Variants in ZFYVE27 observed in about 807,000 individuals in gnomAD.
ZFYVE27 encodes the protein protrudin.
ZFYVE27 carries 36 observed loss-of-function variants against 52.8 expected under a neutral mutation model. The observed-to-expected ratio is 0.68, with a 90% confidence interval of 0.52 to 0.90. The LOEUF is 0.90. Among genes scored for constraint, ZFYVE27 ranks in the 40% least tolerant of loss-of-function variants. ZFYVE27 has a pLI of 0.00. For synonymous variants in ZFYVE27, 223 were observed against 215.6 expected (o/e 1.03, Z -0.30); for missense variants, 450 against 527.2 (o/e 0.85, Z 1.43).
chr10:97,741,398 G>A (rs1219635320), intron 2 of ZFYVE27, among the ~76,000 whole-genome samples: 4 of 152,096 alleles, frequency 2.6e-5, no homozygotes, highest in Admixed American at 2.0e-4. Flanking sequence ...TAAAGAAAAC[G>A]TGGCACATAT....
At chr10:97,744,665 T>C (rs1170125240) in intron 3 of ZFYVE27, 64 bp from the exon 4 acceptor site, 8 of 1,593,498 alleles carry the variant, frequency 5.0e-6, no homozygotes, top group Non-Finnish European at 6.0e-6. Flanking sequence ...GCAGTGGGCG[T>C]CTGGGTGGGC....
chr10:97,742,670 TC>T (rs1296792756), intron 2 of ZFYVE27, among the ~76,000 whole-genome samples: 7 of 152,322 alleles, frequency 4.6e-5, no homozygotes, highest in African/African-American at 1.7e-4. Flanking sequence ...ATTTGTTTTT[TC>T]TTGATTTCTG....
Position 97,743,115 on chromosome 10 carries a change from C to A in ZFYVE27, c.219C>A (p.Ser73=). 1 of 1,614,240 alleles carries A rather than the reference C, an allele frequency of 6.2e-7. No homozygotes were observed. Among genetic ancestry groups the A allele is most frequent in the Non-Finnish European group, 8.5e-7 (1 of 1,180,048 alleles). The change falls in exon 3 of 13, where the codon TCC becomes TCA. Residue 73 remains serine, a synonymous_variant. Coordinates refer to ENST00000684270, the MANE Select transcript of ZFYVE27 (RefSeq NM_001385875.1). ...YLLRWQMPLC[S]LLTCLGLNVL... is the part of the protein sequence containing the mutation. ...GTAGGTGGCAGATGCCTTTGTGTTC[C>A]TTGCTGACCTGCCTGGGCCTCAACG... is the stretch of plus-strand genomic sequence containing the variant.
chr10:97,755,992 G>A (rs115998694), intron 10 of ZFYVE27, among the ~76,000 whole-genome samples: 198 of 152,276 alleles, frequency 1.3e-3, no homozygotes, highest in African/African-American at 4.5e-3. Flanking sequence ...CCCTGGCTCC[G>A]GTCTGTGAGT....
intron 4 of ZFYVE27, among the ~76,000 whole-genome samples, chr10:97,746,443 G>T (rs185364468): frequency 9.9e-5 from 15 of 152,276 alleles, no homozygotes; most frequent in Non-Finnish European, 2.9e-5. Context: ...TGTTGGCTTC[G>T]TCTATCTCTC....
At chr10:97,757,539 C>T in intron 11 of ZFYVE27, 103 bp from the exon 12 acceptor site, 1 of 1,398,590 alleles carries the variant, frequency 7.2e-7, no homozygotes, top group Admixed American at 1.7e-5. Flanking sequence ...CCCCCCAGGC[C>T]CAGTTTCCTT....
rs11189348 is a variant in ZFYVE27 at position 97,740,888 on chromosome 10, G to T, written c.198-2206G>T. 5.1e-3 allele frequency among the ~76,000 whole-genome samples: 779 copies of T among 152,292 alleles called. 20 individuals are homozygous for T. Among genetic ancestry groups the T allele is most frequent in the Admixed American group, 0.034 (514 of 15,304 alleles). On this transcript the variant is annotated intron_variant, in intron 2 of 12. Coordinates refer to ENST00000684270, the MANE Select transcript of ZFYVE27 (RefSeq NM_001385875.1). ...CTCTCCTGGGATCAGCTACTCTACT[G>T]CTTGGGTCTCCTGGGACCAAAGTGT...
intron 6 of ZFYVE27, chr10:97,749,984 C>T (rs1564822847): frequency 4.8e-6 from 2 of 416,210 alleles, no homozygotes; most frequent in South Asian, 2.2e-5. Context: ...GCTTCTAAAG[C>T]GCTGAGGCAG....
chr10:97,739,885 GTT>G (rs34955180), intron 2 of ZFYVE27, among the ~76,000 whole-genome samples: 1 of 137,262 alleles, frequency 7.3e-6, no homozygotes, highest in Non-Finnish European at 1.6e-5. Flanking sequence ...TTAGAAAAGT[GTT>G]TTTTTTTTTT....
intron 2 of ZFYVE27, among the ~76,000 whole-genome samples, chr10:97,739,155 C>T (rs1442467011): frequency 6.7e-6 from 1 of 149,970 alleles, no homozygotes; most frequent in African/African-American, 2.5e-5. Flanking sequence ...GGAATGCAGT[C>T]GTGTGAACAT....
rs1465834621 is a variant in ZFYVE27, at chr10:97,750,440, G to A, written c.774G>A (p.Met258Ile). 6.2e-7 allele frequency: 1 copy of A among 1,614,162 alleles called. No individual in the cohort carries two copies. The highest frequency in any genetic ancestry group is 1.1e-5 in the South Asian group (1 of 91,090). ...ATGTTGGGGGGAAGGATGGTCTGAT[G>A]GACAGCACGCCTGCCCTCACACCCA... is the stretch of plus-strand genomic sequence containing the variant. Reference protein sequence around the residue: ...PPDVGGKDGLMDSTPALTPTE... With the variant: ...PPDVGGKDGLIDSTPALTPTE... Residue 258 changes from methionine (M) to isoleucine (I), a missense_variant, in exon 7 of 13, where the codon ATG (methionine) becomes ATA (isoleucine). Met to Ile is a conservative substitution (Grantham distance 10, BLOSUM62 1). Coordinates refer to ENST00000684270, the MANE Select transcript of ZFYVE27 (RefSeq NM_001385875.1).
chr10:97,752,829 C>G (rs1460902526), intron 8 of ZFYVE27, 28 bp from the exon 9 acceptor site: 1 of 1,613,506 alleles, frequency 6.2e-7, no homozygotes, highest in East Asian at 2.2e-5. Context: ...TCTGTTTTCT[C>G]TCCTCTTCCC....
In ZFYVE27 at chr10:97,751,429, T is replaced by A; in HGVS notation, c.843T>A (p.Ala281=). 6.2e-7 allele frequency: 1 copy of A among 1,613,994 alleles called. No homozygotes were observed. Among genetic ancestry groups the A allele is most frequent in the Non-Finnish European group, 8.5e-7 (1 of 1,179,896 alleles). ...GCAGCGTGGAGGAGGCTGAGGAGGCTGAGCCAGATGAAGAGTTTAAAGATG... is the reference window on the plus strand; with the variant it reads ...GCAGCGTGGAGGAGGCTGAGGAGGCAGAGCCAGATGAAGAGTTTAAAGATG... The part of the protein sequence containing the change: ...TPGSVEEAEE[A]EPDEEFKDAI... Residue 281 remains alanine (A), a synonymous_variant, in exon 8 of 13, where the codon GCT becomes GCA. Transcript: ENST00000684270.
chr10:97,746,051 A>ACACATATATATATATATATATATATTT, intron 4 of ZFYVE27, among the ~76,000 whole-genome samples: 1 of 64,170 alleles, frequency 1.6e-5, no homozygotes, highest in Non-Finnish European at 3.7e-5. Context: ...ATATATATAT[A>ACACATATATATATATATATATATATTT]TTTTTTTTTT....
intron 10 of ZFYVE27, among the ~76,000 whole-genome samples, chr10:97,754,160 A>T (rs975794566): frequency 1.3e-5 from 2 of 152,064 alleles, no homozygotes; most frequent in African/African-American, 4.8e-5. Context: ...GGAAGAAGAC[A>T]ATGGAGTTTA....
At chr10:97,738,090 T>C (rs1031547434) in intron 1 of ZFYVE27, among the ~76,000 whole-genome samples, 1 of 152,166 alleles carries the variant, frequency 6.6e-6, no homozygotes, top group East Asian at 1.9e-4. Context: ...TTTGGGAGCA[T>C]CGGAGAGGGT....
chr10:97,754,930 C>T lies in ZFYVE27; in HGVS notation c.1042+1748C>T, dbSNP rs942600104. ...GAGTGCTTTGCCCAGAGACTTTGGC[C>T]TGGAAATGGTGGAGCTGTGACTCAA... On this transcript the variant is annotated intron_variant, in intron 10 of 12. Coordinates refer to ENST00000684270, the MANE Select transcript of ZFYVE27 (RefSeq NM_001385875.1). 8 of 757,392 alleles carry T rather than the reference C, an allele frequency of 1.1e-5. No individual in the cohort carries two copies. In the South Asian group the frequency reaches 4.8e-4, roughly 45 times the overall value. 46.9% of individuals were successfully genotyped at this position (757,392 alleles called of 1,614,324 possible).
At chr10:97,752,720 C>T (rs535513075) in intron 8 of ZFYVE27, 137 bp from the exon 9 acceptor site, 76 of 1,006,362 alleles carry the variant, frequency 7.6e-5, no homozygotes, top group Non-Finnish European at 1.0e-4. Context: ...GTCAATGTCA[C>T]CATTTGGGAA....
intron 4 of ZFYVE27, 142 bp from the exon 5 acceptor site, chr10:97,748,127 C>G (rs1314631941): frequency 4.9e-6 from 4 of 810,502 alleles, no homozygotes; most frequent in African/African-American, 3.4e-5. Flanking sequence ...CTCCCATGCT[C>G]TCTCGACTCC....
Sources: gnomAD v4.1 joint callset for allele counts (sites outside exome capture counted in the v4.1 genomes callset) on GRCh38, gnomAD v4.1.1 for gene constraint, MANE v1.5 for transcripts, NCBI Gene and HGNC (gene_info 2026-07-23, HGNC 2026-07-21) for gene names.